Variants in PDXDC1 observed in about 807,000 individuals in gnomAD.
The protein encoded by PDXDC1 is pyridoxal-dependent decarboxylase domain-containing protein 1.
PDXDC1 carries 42 observed loss-of-function variants against 100.1 expected under a neutral mutation model. The observed-to-expected ratio is 0.42, with a 90% CI of 0.33 to 0.54. PDXDC1 has a LOEUF of 0.54. Among genes scored for constraint, PDXDC1 ranks in the 20% least tolerant of loss-of-function variants. PDXDC1 has a pLI of 0.10. For synonymous variants in PDXDC1, 260 were observed against 371.7 expected (o/e 0.70, Z 3.46); for missense variants, 636 against 979.2 (o/e 0.65, Z 4.68).
chr16:15,112,262 ATG>A (rs2047098325), intron 16 of PDXDC1, among the ~76,000 whole-genome samples: 1 of 148,658 alleles, frequency 6.7e-6, no homozygotes, highest in African/African-American at 2.4e-5. Context: ...TCAGTCAACC[ATG>A]CTGAAGTGCA....
chr16:15,073,574 C>T (rs1204975827), intron 16 of PDXDC1, among the ~76,000 whole-genome samples: 1 of 152,208 alleles, frequency 6.6e-6, no homozygotes, highest in Non-Finnish European at 1.5e-5. Flanking sequence ...AGGAAGCAGG[C>T]CCTCACCTCA....
At chr16:15,077,075 G>A (rs541521190) in intron 16 of PDXDC1, among the ~76,000 whole-genome samples, 8 of 151,808 alleles carry the variant, frequency 5.3e-5, no homozygotes, top group African/African-American at 1.9e-4. Context: ...CGCCCCCCAG[G>A]TTCAAGAGAT....
intron 16 of PDXDC1, among the ~76,000 whole-genome samples, chr16:15,105,008 G>A (rs1207717320): frequency 1.3e-5 from 2 of 149,954 alleles, no homozygotes; most frequent in African/African-American, 2.5e-5. Flanking sequence ...TGCAAATGTA[G>A]GCAGGCTGGG....
rs200004285 is a variant in PDXDC1, at chr16:15,036,019, A to C, written c.2111A>C (p.Gln704Pro). Reference sequence around the variant, plus strand: ...AGTCTGTCTGCCCTTTCTGTAGGCCAGAAGCCTTTTAAAAGGTCCCTGCGA... The same window carrying C: ...AGTCTGTCTGCCCTTTCTGTAGGCCCGAAGCCTTTTAAAAGGTCCCTGCGA... ...GSRTKQRLPGQKPFKRSLRGS... is the reference protein window; with the variant it reads ...GSRTKQRLPGPKPFKRSLRGS... Residue 704 changes from glutamine to proline, a missense_variant, in exon 23 of 23, where the codon CAG becomes CCG. Coordinates refer to ENST00000396410, the MANE Select transcript of PDXDC1 (RefSeq NM_015027.4). 6.2e-7 allele frequency: 1 copy of C among 1,612,268 alleles called. No homozygotes were observed. The highest frequency in any genetic ancestry group is 1.1e-5 in the South Asian group (1 of 90,922).
intron 16 of PDXDC1, among the ~76,000 whole-genome samples, chr16:15,106,612 G>A (rs1302368771): frequency 8.0e-5 from 12 of 149,316 alleles, no homozygotes; most frequent in African/African-American, 1.9e-4. Flanking sequence ...AAAATTAGGC[G>A]GGCGTGGTGG....
At chr16:15,035,133 C>G (rs1300133942) in intron 21 of PDXDC1, among the ~76,000 whole-genome samples, 4 of 152,212 alleles carry the variant, frequency 2.6e-5, no homozygotes. Context: ...AAAAGATAAT[C>G]TGATTTCTAA....
intron 1 of PDXDC1, among the ~76,000 whole-genome samples, chr16:14,978,978 G>T (rs369382628): frequency 2.0e-5 from 3 of 152,388 alleles, no homozygotes; most frequent in East Asian, 3.9e-4. Context: ...CCTACACCCA[G>T]TTGTAACAAT....
chr16:15,125,316 G>A lies in PDXDC1; in HGVS notation c.1400-13563G>A, dbSNP rs2047649154. On this transcript the variant is annotated intron_variant, in intron 16 of 16. Coordinates refer to the PDXDC1 transcript ENST00000535621. ...TGGGCGTTCCCTCGCTGGAGGGCCA[G>A]CACACCAGACTGCAGGTGGCGCGGG... 4.3e-6 allele frequency: 3 copies of A among 695,660 alleles called. No individual in the cohort carries two copies. In the Admixed American group the frequency reaches 6.6e-5, roughly 15 times the overall value. The allele number at this position is 695,660 out of a possible 1,614,324, so 43.1% of individuals were successfully genotyped here.
rs568886912 is a variant in PDXDC1 at position 14,996,699 on chromosome 16, T to A, written c.22-1054T>A. On this transcript the variant is annotated intron_variant, in intron 1 of 22. Transcript: ENST00000396410. ...ATGAGACCTTGTATCTACAAAAAAA[T>A]TTTGAAAATTAGCCAGGCATGGTGG... 2.6e-5 allele frequency among the ~76,000 whole-genome samples: 4 copies of A among 152,010 alleles called. No homozygotes were observed. In the East Asian group the frequency reaches 5.8e-4, roughly 22 times the overall value.
rs527659591 is a variant in PDXDC1 at position 15,126,937 on chromosome 16, C to T, written c.1400-11942C>T. On this transcript the variant is annotated intron_variant, in intron 16 of 16. Coordinates refer to the PDXDC1 transcript ENST00000535621. ...CCTCCCAAAGTGTTGGGATTACAGGCGTGAGCCACCGTGCCTGGTCCTTTT... is the reference window on the plus strand; with the variant it reads ...CCTCCCAAAGTGTTGGGATTACAGGTGTGAGCCACCGTGCCTGGTCCTTTT... 9.3e-5 allele frequency: 24 copies of T among 259,168 alleles called. No homozygotes were observed. In the South Asian group the frequency reaches 9.8e-4, roughly 11 times the overall value. The allele number at this position is 259,168 out of a possible 1,614,324, so 16.1% of individuals were successfully genotyped here. A position where few individuals can be genotyped will look rare whatever the true frequency, so the allele number is the denominator to read the frequency against.
At chr16:15,089,346 G>C (rs2046027795) in intron 16 of PDXDC1, among the ~76,000 whole-genome samples, 2 of 152,052 alleles carry the variant, frequency 1.3e-5, no homozygotes, top group Admixed American at 1.3e-4. Flanking sequence ...AGCAATCTTG[G>C]CTACAGACAC....
Position 15,012,054 on chromosome 16 carries a change from A to G in PDXDC1, c.727+2295A>G, listed in dbSNP as rs369394149. ...AACATTTGTTTGACAAAGAACTTGT[A>G]TCTAAAATATATAAAGAACTGTTAC... On this transcript the variant is annotated intron_variant, in intron 8 of 22. Coordinates refer to ENST00000396410, the MANE Select transcript of PDXDC1 (RefSeq NM_015027.4). 5.9e-5 allele frequency among the ~76,000 whole-genome samples: 9 copies of G among 152,280 alleles called. No individual in the cohort carries two copies. In the East Asian group the frequency reaches 7.7e-4, roughly 13 times the overall value.
Position 15,129,001 on chromosome 16 carries a change from G to C in PDXDC1, c.1400-9878G>C, listed in dbSNP as rs1269277330. Among the ~76,000 whole-genome samples the C allele has an allele frequency of 2.7e-5, 4 of 150,722 alleles. No homozygotes were observed. In the East Asian group the frequency reaches 8.0e-4, roughly 30 times the overall value. On this transcript the variant is annotated intron_variant, in intron 16 of 16. Transcript: ENST00000535621. ...TTTTGTATTTTTTAGTAGAGACAGG[G>C]TTTCACCGTTAGCCAGGATGGTCTC...
chr16:15,133,834 C>G lies in PDXDC1; in HGVS notation c.1400-5045C>G. On this transcript the variant is annotated intron_variant, in intron 16 of 16. Coordinates refer to the PDXDC1 transcript ENST00000535621. ...TGCACCTTGGTGGTGAGGGCGTGCA[C>G]AGCGCCCAGTGGGAAGAGGCGGCAA... 4 of 1,579,946 alleles carry G rather than the reference C, an allele frequency of 2.5e-6. 1 individual carries two copies. Among genetic ancestry groups the G allele is most frequent in the Non-Finnish European group, 3.4e-6 (4 of 1,168,220 alleles).
At position 14,982,017 on chromosome 16, in the gene PDXDC1, A is replaced by G. The variant is rs369595845; in HGVS notation, c.21+6797A>G. On this transcript the variant is annotated intron_variant, in intron 1 of 22. Transcript: ENST00000396410. ...CTAATTTTTTGTATTTTTAGTAGAGACAGGGTTTCATCATGTTGGCCAGGC... is the reference window on the plus strand; with the variant it reads ...CTAATTTTTTGTATTTTTAGTAGAGGCAGGGTTTCATCATGTTGGCCAGGC... 2.6e-5 allele frequency among the ~76,000 whole-genome samples: 4 copies of G among 152,376 alleles called. No individual in the cohort carries two copies. The East Asian group carries it at 7.7e-4, about 29-fold the overall frequency.
rs1477120084 is a variant in PDXDC1 at position 15,036,955 on chromosome 16, TA to T, written c.*681del. On this transcript the variant is annotated 3_prime_UTR_variant, in exon 23 of 23. Coordinates refer to ENST00000396410, the MANE Select transcript of PDXDC1 (RefSeq NM_015027.4). ...AAACTGTAAAGTCTCCTCCTGACCATATATTTTTAAATACTGGCAAAGCTTT... is the reference window on the plus strand; with the variant it reads ...AAACTGTAAAGTCTCCTCCTGACCATTATTTTTAAATACTGGCAAAGCTTT... 1 of 152,442 alleles carries T rather than the reference TA, an allele frequency of 6.6e-6. No individual in the cohort carries two copies. The highest frequency in any genetic ancestry group is 2.4e-5 in the African/African-American group (1 of 41,460). 9.4% of individuals were successfully genotyped at this position (152,442 alleles called of 1,614,324 possible). A position where few individuals can be genotyped will look rare whatever the true frequency, so the allele number is the denominator to read the frequency against.
At chr16:15,014,448 AAG>A (rs1247981923) in intron 8 of PDXDC1, among the ~76,000 whole-genome samples, 4 of 152,296 alleles carry the variant, frequency 2.6e-5, no homozygotes, top group Non-Finnish European at 4.4e-5. Flanking sequence ...GAAATACGAA[AAG>A]AGAATCTGCA....
intron 14 of PDXDC1, among the ~76,000 whole-genome samples, chr16:15,027,337 C>T (rs1194372762): frequency 6.6e-6 from 1 of 152,288 alleles, no homozygotes; most frequent in Non-Finnish European, 1.5e-5. Context: ...GCTCCGACCC[C>T]ATGGCAGCAT....
At chr16:15,020,395 T>G (rs1020818445) in intron 12 of PDXDC1, among the ~76,000 whole-genome samples, 3 of 152,252 alleles carry the variant, frequency 2.0e-5, no homozygotes, top group African/African-American at 7.2e-5. Context: ...TTTCTATATT[T>G]AAGAAACATA....
Sources: gnomAD v4.1 joint callset for allele counts (sites outside exome capture counted in the v4.1 genomes callset) on GRCh38, gnomAD v4.1.1 for gene constraint, MANE v1.5 for transcripts, NCBI Gene and HGNC (gene_info 2026-07-23, HGNC 2026-07-21) for gene names.